The following KLHL3 variants were observed in gnomAD, a reference collection of about 807,000 sequenced individuals.
KLHL3 encodes the protein kelch-like protein 3.
KLHL3 carries 19 observed loss-of-function variants against 70.5 expected under a neutral mutation model. That is an observed-to-expected ratio of 0.27 (90% CI 0.19 to 0.40). The LOEUF (loss-of-function observed/expected upper bound fraction) is 0.40. KLHL3 is among the 10% of genes least tolerant of loss of function. KLHL3 has a pLI of 1.00. For synonymous variants in KLHL3, 258 were observed against 290.3 expected, an observed-to-expected ratio of 0.89 and a Z score of 1.13; for missense variants, 512 against 771.1, an observed-to-expected ratio of 0.66 and a Z score of 3.98.
chr5:137,726,690 C>T (rs1753090532), intron 1 of KLHL3, among the ~76,000 whole-genome samples: 1 of 152,096 alleles, frequency 6.6e-6, no homozygotes, highest in South Asian at 2.1e-4. Context: ...GGGCAAGGAA[C>T]ATGTGTCTGA....
chr5:137,666,687 G>C (rs1400120360), intron 6 of KLHL3, among the ~76,000 whole-genome samples: 1 of 152,166 alleles, frequency 6.6e-6, no homozygotes, highest in African/African-American at 2.4e-5. Context: ...AGCTATGAAA[G>C]CCACAGCATT....
chr5:137,625,706 G>A (rs763842867), intron 14 of KLHL3, 47 bp downstream of exon 14: 4 of 1,608,110 alleles, frequency 2.5e-6, no homozygotes, highest in Admixed American at 1.7e-5. Flanking sequence ...CATTCCCCCA[G>A]TGTGTTGGAG....
intron 1 of KLHL3, among the ~76,000 whole-genome samples, chr5:137,722,210 T>C (rs995361333): frequency 2.0e-5 from 3 of 152,242 alleles, no homozygotes; most frequent in African/African-American, 7.2e-5. Context: ...AGAATCACTA[T>C]AGATCTCACA....
intron 3 of KLHL3, among the ~76,000 whole-genome samples, chr5:137,708,286 C>G (rs989457082): frequency 5.9e-5 from 9 of 152,174 alleles, no homozygotes; most frequent in African/African-American, 2.2e-4. Flanking sequence ...TGCACAAGTG[C>G]CAAGTCTCTC....
intron 2 of KLHL3, among the ~76,000 whole-genome samples, chr5:137,720,194 G>A (rs1752970760): frequency 6.6e-6 from 1 of 152,110 alleles, no homozygotes; most frequent in African/African-American, 2.4e-5. Context: ...CAGCTACTCG[G>A]GAGGCTGAGG....
At chr5:137,659,919 C>T (rs1239331160) in intron 7 of KLHL3, among the ~76,000 whole-genome samples, 2 of 152,056 alleles carry the variant, frequency 1.3e-5, no homozygotes, top group African/African-American at 4.8e-5. Flanking sequence ...ATAAATGCTA[C>T]CTTTTGTGAA....
At chr5:137,673,913 C>T (rs1751823708) in intron 6 of KLHL3, 1 of 152,226 alleles carries the variant, frequency 6.6e-6, no homozygotes, top group South Asian at 2.1e-4. Flanking sequence ...CACAACCACT[C>T]TCTGACCCTG....
chr5:137,682,081 A>C (rs1200797834), intron 5 of KLHL3, among the ~76,000 whole-genome samples: 1 of 152,056 alleles, frequency 6.6e-6, no homozygotes, highest in South Asian at 2.1e-4. Context: ...CCATTTCCTA[A>C]TACTAGCTAA....
chr5:137,680,626 T>A (rs1020925320), intron 5 of KLHL3, among the ~76,000 whole-genome samples: 6 of 151,466 alleles, frequency 4.0e-5, no homozygotes, highest in Non-Finnish European at 8.8e-5. Flanking sequence ...CACTGCAACC[T>A]CTGCCTCCCG....
chr5:137,627,477 A>AC (rs1554089725), intron 13 of KLHL3, among the ~76,000 whole-genome samples: 1,295 of 79,372 alleles, frequency 0.016, 64 homozygotes, highest in East Asian at 0.084. Context: ...AAATATCACC[A>AC]CCCCCCCCCC....
At chr5:137,723,585 C>T (rs898694856) in intron 1 of KLHL3, among the ~76,000 whole-genome samples, 1 of 152,156 alleles carries the variant, frequency 6.6e-6, no homozygotes, top group Non-Finnish European at 1.5e-5. Context: ...CACCATATAT[C>T]CAGCCATTGC....
At chr5:137,680,606 G>T (rs10064725) in intron 5 of KLHL3, among the ~76,000 whole-genome samples, 3,176 of 150,926 alleles carry the variant, frequency 0.021, 119 homozygotes, top group African/African-American at 0.073. Flanking sequence ...GCAATGGCGC[G>T]ATCTCAGCTC....
intron 4 of KLHL3, among the ~76,000 whole-genome samples, chr5:137,695,152 A>C (rs1014661757): frequency 1.3e-5 from 2 of 152,248 alleles, no homozygotes; most frequent in African/African-American, 4.8e-5. Context: ...AGAGAAATGA[A>C]ATAATAAATA....
chr5:137,657,881 G>A (rs923630605), intron 8 of KLHL3, among the ~76,000 whole-genome samples: 1 of 152,176 alleles, frequency 6.6e-6, no homozygotes, highest in Non-Finnish European at 1.5e-5. Flanking sequence ...GGGGTGAGAG[G>A]GAGCTCTGAG....
At chr5:137,734,400 AG>A (rs1450864719) in intron 1 of KLHL3, among the ~76,000 whole-genome samples, 1 of 151,550 alleles carries the variant, frequency 6.6e-6, no homozygotes, top group African/African-American at 2.4e-5. Context: ...CAGCACAGTC[AG>A]TCCCAGGCTC....
At chr5:137,664,689 G>A (rs1192459423) in intron 6 of KLHL3, among the ~76,000 whole-genome samples, 3 of 151,970 alleles carry the variant, frequency 2.0e-5, no homozygotes, top group East Asian at 1.9e-4. Context: ...ATGGTGGCAC[G>A]TGTCTGTAGT....
At position 137,692,450 on chromosome 5, in the gene KLHL3, G is replaced by A. The variant is rs907830365; in HGVS notation, c.364-3C>T. The A allele has an allele frequency of 6.2e-7, 1 of 1,613,752 alleles. No individual in the cohort carries two copies. Among genetic ancestry groups the A allele is most frequent in the Non-Finnish European group, 8.5e-7 (1 of 1,179,844 alleles). On this transcript the variant is annotated splice_region_variant and splice_polypyrimidine_tract_variant and intron_variant, in intron 4 of 14. Coordinates refer to ENST00000309755, the MANE Select transcript of KLHL3 (RefSeq NM_017415.3). ...AAGCTGGCTGCCGGGAGCAGCACCTGCAAGAGAAGGTGACATTCTCAGATA... is the reference window on the plus strand; with the variant it reads ...AAGCTGGCTGCCGGGAGCAGCACCTACAAGAGAAGGTGACATTCTCAGATA...
chr5:137,686,394 T>C (rs2905595), intron 5 of KLHL3, among the ~76,000 whole-genome samples: 85,918 of 152,058 alleles, frequency 0.57, 24,859 homozygotes, highest in East Asian at 0.93. Flanking sequence ...GTTCCCCAGA[T>C]CATCCTGGAA....
intron 14 of KLHL3, among the ~76,000 whole-genome samples, chr5:137,623,344 C>G (rs767904114): frequency 6.6e-6 from 1 of 152,116 alleles, no homozygotes; most frequent in Non-Finnish European, 1.5e-5. Flanking sequence ...GCCAGGATAC[C>G]CCACTGGAGA....
Sources: allele counts gnomAD v4.1 joint callset (sites outside exome capture counted in the v4.1 genomes callset), GRCh38; gene constraint gnomAD v4.1.1; transcripts MANE v1.5; gene names NCBI Gene and HGNC (gene_info 2026-07-23, HGNC 2026-07-21).